CABIN1: variants seen among roughly 807,000 people sequenced by gnomAD.
The protein encoded by CABIN1 is calcineurin binding protein 1, also known as calcineurin-binding protein cabin-1.
A neutral mutation model predicts 227.7 loss-of-function variants in CABIN1; 133 were observed. The ratio of observed to expected loss-of-function variants is 0.58; its 90% CI spans 0.51 to 0.67. CABIN1 has a LOEUF of 0.67. CABIN1 is among the 30% of genes least tolerant of loss of function. The pLI, the probability that CABIN1 is intolerant of heterozygous loss-of-function variation, is 0.00. For missense variants in CABIN1, 2,408 were observed against 2,852.5 expected (o/e 0.84, Z 3.55); for synonymous variants, 1,086 against 1,155.1 (o/e 0.94, Z 1.21).
intron 33 of CABIN1, 121 bp from the exon 34 acceptor site, chr22:24,171,592 G>A (rs1419449449): frequency 2.6e-6 from 3 of 1,162,032 alleles, no homozygotes; most frequent in Middle Eastern, 2.0e-4. Flanking sequence ...CATATGGGCA[G>A]TGTTGGCAGC....
chr22:24,141,982 G>A (rs957607423), intron 29 of CABIN1, among the ~76,000 whole-genome samples: 2 of 152,164 alleles, frequency 1.3e-5, no homozygotes, highest in East Asian at 3.8e-4. Flanking sequence ...CCCCATACCT[G>A]CCAGAGTTGG....
chr22:24,059,450 G>A, intron 11 of CABIN1, 87 bp downstream of exon 11: 1 of 1,510,386 alleles, frequency 6.6e-7, no homozygotes, highest in Non-Finnish European at 9.1e-7. Flanking sequence ...CTGGGAGAAT[G>A]GTTCTGGGGT....
chr22:24,148,455 G>A (rs1345310971), intron 29 of CABIN1, among the ~76,000 whole-genome samples: 1 of 152,234 alleles, frequency 6.6e-6, no homozygotes, highest in African/African-American at 2.4e-5. Context: ...AGGAGCCTCA[G>A]TAGGTGTGGC....
chr22:24,092,024 TG>T, intron 24 of CABIN1, 181 bp downstream of exon 24: 1 of 718,554 alleles, frequency 1.4e-6, no homozygotes, highest in South Asian at 1.9e-5. Flanking sequence ...TCCCAAGGGG[TG>T]TTTATCATCC....
intron 19 of CABIN1, among the ~76,000 whole-genome samples, chr22:24,078,798 A>G (rs571591371): frequency 6.6e-6 from 1 of 152,192 alleles, no homozygotes; most frequent in Non-Finnish European, 1.5e-5. Flanking sequence ...TAAAAATAAG[A>G]GTTAACAAGA....
chr22:24,098,567 C>G (rs2042030835), intron 26 of CABIN1, among the ~76,000 whole-genome samples: 1 of 152,064 alleles, frequency 6.6e-6, no homozygotes, highest in African/African-American at 2.4e-5. Context: ...CTTAGTGATG[C>G]CTGCATTGTT....
intron 25 of CABIN1, 146 bp from the exon 26 acceptor site, chr22:24,097,868 C>G: frequency 9.9e-7 from 1 of 1,010,394 alleles, no homozygotes; most frequent in Non-Finnish European, 1.5e-6. Flanking sequence ...ACTATGGGCT[C>G]TGTGACACCA....
At chr22:24,107,288 CCCCT>C (rs1269301777) in intron 26 of CABIN1, among the ~76,000 whole-genome samples, 1 of 152,206 alleles carries the variant, frequency 6.6e-6, no homozygotes, top group Non-Finnish European at 1.5e-5. Context: ...ACCTTGATTA[CCCCT>C]TAAACAAGGG....
At position 24,036,559 on chromosome 22, in the gene CABIN1, G is replaced by A. The variant is rs184343023; in HGVS notation, c.96+378G>A. Among the ~76,000 whole-genome samples, 15 of 152,238 alleles carry A rather than the reference G, an allele frequency of 9.9e-5. No individual in the cohort carries two copies. The East Asian group carries it at 2.5e-3, about 25-fold the overall frequency. Reference sequence around the variant, plus strand: ...TGTGATGAGACTCTTGAGGGGAGCAGCCTAGACTGGGATCACCCTCCAGGT... The same window carrying A: ...TGTGATGAGACTCTTGAGGGGAGCAACCTAGACTGGGATCACCCTCCAGGT... On this transcript the variant is annotated intron_variant, in intron 3 of 36. Transcript: ENST00000263119.
intron 24 of CABIN1, among the ~76,000 whole-genome samples, chr22:24,094,577 G>A (rs1299544616): frequency 6.6e-6 from 1 of 151,996 alleles, no homozygotes; most frequent in Non-Finnish European, 1.5e-5. Flanking sequence ...CAGCACTTTG[G>A]GAGGCCGAGG....
chr22:24,156,243 A>G (rs1202444806), intron 29 of CABIN1, among the ~76,000 whole-genome samples: 1 of 152,006 alleles, frequency 6.6e-6, no homozygotes, highest in Non-Finnish European at 1.5e-5. Flanking sequence ...GCCTCGGCGC[A>G]CCAGGCGCAG....
rs1013079595 is a variant in CABIN1 at position 24,072,646 on chromosome 22, C to T, written c.2632+136C>T. The T allele has an allele frequency of 1.1e-5, 12 of 1,075,550 alleles. No homozygotes were observed. The East Asian group carries it at 2.0e-4, about 18-fold the overall frequency. The allele number at this position is 1,075,550 out of a possible 1,614,324, so 66.6% of individuals were successfully genotyped here. A position where few individuals can be genotyped will look rare whatever the true frequency, so the allele number is the denominator to read the frequency against. On this transcript the variant is annotated intron_variant, in intron 18 of 36. Coordinates refer to ENST00000263119, the MANE Select transcript of CABIN1 (RefSeq NM_012295.4). ...CCTCTCAATCCCAGGATTTTGCATGCGCTTGGACAGAGGCAGAAGTGTCCT... is the reference window on the plus strand; with the variant it reads ...CCTCTCAATCCCAGGATTTTGCATGTGCTTGGACAGAGGCAGAAGTGTCCT...
chr22:24,017,790 A>ATTT (rs138381748), intron 1 of CABIN1, among the ~76,000 whole-genome samples: 1 of 141,550 alleles, frequency 7.1e-6, no homozygotes. Flanking sequence ...TGCTTTCACC[A>ATTT]TTTTTTTTTT....
chr22:24,064,523 T>TTG (rs1379769109), intron 15 of CABIN1, among the ~76,000 whole-genome samples: 1 of 149,970 alleles, frequency 6.7e-6, no homozygotes, highest in Non-Finnish European at 1.5e-5. Flanking sequence ...TTTTTTTTTT[T>TTG]TTTTTTTTTT....
chr22:24,032,472 C>T (rs2036564116), intron 1 of CABIN1, among the ~76,000 whole-genome samples: 2 of 152,028 alleles, frequency 1.3e-5, no homozygotes, highest in South Asian at 2.1e-4. Context: ...TGTTCAAGTC[C>T]CTGCTTTCAT....
chr22:24,084,252 T>G (rs182565794), intron 20 of CABIN1, among the ~76,000 whole-genome samples: 16 of 151,978 alleles, frequency 1.1e-4, no homozygotes, highest in Admixed American at 1.0e-3. Context: ...TTTTTTTTTT[T>G]TTTTGAGATG....
chr22:24,075,798 T>A (rs1034367510), intron 18 of CABIN1, among the ~76,000 whole-genome samples: 1 of 152,042 alleles, frequency 6.6e-6, no homozygotes, highest in Admixed American at 6.6e-5. Context: ...TAGTATGGGT[T>A]CCATTGTAAC....
chr22:24,030,786 C>G (rs1191258619), intron 1 of CABIN1, among the ~76,000 whole-genome samples: 1 of 152,084 alleles, frequency 6.6e-6, no homozygotes, highest in East Asian at 1.9e-4. Flanking sequence ...ACACCCCACT[C>G]TGGGGTTCCT....
At chr22:24,098,385 G>T in intron 26 of CABIN1, 193 bp downstream of exon 26, 4 of 1,244,088 alleles carry the variant, frequency 3.2e-6, no homozygotes, top group South Asian at 2.8e-5. Context: ...CATGCTCAGG[G>T]TCGCCACCTG....
Sources: gnomAD v4.1 joint callset for allele counts (sites outside exome capture counted in the v4.1 genomes callset) on GRCh38, gnomAD v4.1.1 for gene constraint, MANE v1.5 for transcripts, NCBI Gene and HGNC (gene_info 2026-07-23, HGNC 2026-07-21) for gene names.